The following WDPCP variants were observed in gnomAD, a reference collection of about 807,000 sequenced individuals.
The protein encoded by WDPCP is WD repeat-containing and planar cell polarity effector protein fritz homolog.
A neutral mutation model predicts 93.1 loss-of-function variants in WDPCP; 71 were observed. That is an observed-to-expected ratio of 0.76 (90% CI 0.63 to 0.93). The LOEUF (loss-of-function observed/expected upper bound fraction) is 0.93. WDPCP is among the 40% of genes least tolerant of loss of function. WDPCP has a pLI of 0.00. For missense variants in WDPCP, 844 were observed against 887.4 expected, an observed-to-expected ratio of 0.95 and a Z score of 0.62; for synonymous variants, 315 against 315.0, an observed-to-expected ratio of 1.00 and a Z score of 0.00.
chr2:63,372,477 A>G (rs1393759206), intron 12 of WDPCP, among the ~76,000 whole-genome samples: 1 of 152,128 alleles, frequency 6.6e-6, no homozygotes, highest in Non-Finnish European at 1.5e-5. Flanking sequence ...ACTCCTTGAC[A>G]TTTTCATGAA....
intron 2 of WDPCP, among the ~76,000 whole-genome samples, chr2:63,702,981 T>C (rs1669085694): frequency 6.6e-6 from 1 of 152,132 alleles, no homozygotes; most frequent in Non-Finnish European, 1.5e-5. Flanking sequence ...GTTTGGTTTT[T>C]TGTCCTTGCA....
intron 1 of WDPCP, among the ~76,000 whole-genome samples, chr2:63,522,185 C>T (rs1702980821): frequency 1.3e-5 from 2 of 151,772 alleles, no homozygotes; most frequent in South Asian, 2.1e-4. Flanking sequence ...CCTCCTCTAG[C>T]CCCCCACCCC....
chr2:63,615,384 T>C (rs1038841609), intron 3 of WDPCP, among the ~76,000 whole-genome samples: 3 of 152,106 alleles, frequency 2.0e-5, no homozygotes, highest in Admixed American at 1.3e-4. Flanking sequence ...CTACCTCCCC[T>C]TTTTCAGCAC....
At chr2:63,229,197 T>C (rs1188219826) in intron 14 of WDPCP, 1 of 152,184 alleles carries the variant, frequency 6.6e-6, no homozygotes, top group East Asian at 1.9e-4. Flanking sequence ...TGATGAGCAT[T>C]TTTTCATGTG....
At chr2:63,497,824 T>G (rs1575530159) in intron 1 of WDPCP, among the ~76,000 whole-genome samples, 1 of 152,182 alleles carries the variant, frequency 6.6e-6, no homozygotes, top group East Asian at 1.9e-4. Flanking sequence ...CATGCATAAA[T>G]AGTTGTTTTG....
intron 2 of WDPCP, among the ~76,000 whole-genome samples, chr2:63,789,022 C>T (rs1018014436): frequency 1.3e-5 from 2 of 152,178 alleles, no homozygotes; most frequent in Non-Finnish European, 2.9e-5. Flanking sequence ...GCTGGAACTA[C>T]AGGTAAACAC....
intron 13 of WDPCP, among the ~76,000 whole-genome samples, chr2:63,264,518 C>T (rs1681938628): frequency 6.6e-6 from 1 of 152,108 alleles, no homozygotes; most frequent in Non-Finnish European, 1.5e-5. Flanking sequence ...GGGTTCAGTT[C>T]ATCAAGAAGT....
chr2:63,515,972 A>G (rs547756562), intron 1 of WDPCP, among the ~76,000 whole-genome samples: 2 of 151,694 alleles, frequency 1.3e-5, no homozygotes, highest in South Asian at 4.2e-4. Context: ...GTGAGCCAAG[A>G]TCACGCTATT....
chr2:63,779,866 T>C (rs1394969193), intron 2 of WDPCP, among the ~76,000 whole-genome samples: 3 of 152,234 alleles, frequency 2.0e-5, no homozygotes, highest in Non-Finnish European at 4.4e-5. Flanking sequence ...AAGCTTAATC[T>C]AGTTTTGTGA....
intron 3 of WDPCP, chr2:63,597,255 T>A: frequency 8.1e-7 from 1 of 1,231,676 alleles, no homozygotes; most frequent in Non-Finnish European, 1.0e-6. Context: ...TATATTATCT[T>A]TCTCAGGCTC....
At chr2:63,277,836 A>G (rs1324575120) in intron 13 of WDPCP, among the ~76,000 whole-genome samples, 2 of 152,200 alleles carry the variant, frequency 1.3e-5, no homozygotes, top group Non-Finnish European at 2.9e-5. Context: ...TGACAGTACT[A>G]AACAGGTCGT....
chr2:63,351,886 C>G (rs188630054), intron 12 of WDPCP, among the ~76,000 whole-genome samples: 1 of 152,224 alleles, frequency 6.6e-6, no homozygotes. Context: ...ACACTCCCAA[C>G]AACAGTATAT....
chr2:63,622,782 T>G lies in WDPCP; in HGVS notation n.488+27877A>C, dbSNP rs1575732264. The G allele has an allele frequency of 5.0e-5, 80 of 1,612,716 alleles. No individual in the cohort carries two copies. The East Asian group carries it at 1.8e-3, about 36-fold the overall frequency. ...CCGCTGCCAGAAGGCGGCGAACACT[T>G]GGTCCCAGGAACTCCGGAGCACGCT... is the stretch of plus-strand genomic sequence containing the variant. On this transcript the variant is annotated intron_variant and non_coding_transcript_variant, in intron 3 of 4. Transcript: ENST00000467687.
intron 6 of WDPCP, among the ~76,000 whole-genome samples, chr2:63,478,424 G>A (rs139474477): frequency 7.7e-4 from 117 of 152,058 alleles, no homozygotes; most frequent in Non-Finnish European, 1.5e-3. Flanking sequence ...TCTCCAAGAT[G>A]GACCATAGAA....
intron 6 of WDPCP, among the ~76,000 whole-genome samples, chr2:63,465,418 GAGA>G (rs930808516): frequency 7.2e-5 from 11 of 152,116 alleles, no homozygotes; most frequent in African/African-American, 2.2e-4. Flanking sequence ...CATTAGGTTT[GAGA>G]AGGTTTGGAT....
At position 63,403,856 on chromosome 2, in the gene WDPCP, A is replaced by T. The variant is rs569612279; in HGVS notation, c.1435+192T>A. The stretch of plus-strand genomic sequence containing the variant: ...TGACAATTAGTGCAATTTACAAATT[A>T]TTCAATATCTAGTGTTCCTTTGGCA... On this transcript the variant is annotated intron_variant, in intron 10 of 17. Coordinates refer to ENST00000272321, the MANE Select transcript of WDPCP (RefSeq NM_015910.7). 1.3e-5 allele frequency: 9 copies of T among 712,796 alleles called. No individual in the cohort carries two copies. In the East Asian group the frequency reaches 2.5e-4, roughly 20 times the overall value. 44.2% of individuals were successfully genotyped at this position (712,796 alleles called of 1,614,324 possible).
intron 10 of WDPCP, among the ~76,000 whole-genome samples, chr2:63,401,945 C>A (rs1341577845): frequency 6.6e-6 from 1 of 152,110 alleles, no homozygotes; most frequent in Admixed American, 6.6e-5. Context: ...ACCAGAAATA[C>A]CATGTTACCC....
At chr2:63,193,121 C>A (rs1471523576) in intron 14 of WDPCP, among the ~76,000 whole-genome samples, 1 of 152,160 alleles carries the variant, frequency 6.6e-6, no homozygotes, top group East Asian at 1.9e-4. Flanking sequence ...AGCAATTATA[C>A]TACAAAGCCT....
intron 15 of WDPCP, among the ~76,000 whole-genome samples, chr2:63,164,547 A>G (rs540355224): frequency 5.9e-5 from 9 of 152,068 alleles, no homozygotes; most frequent in Non-Finnish European, 1.2e-4. Flanking sequence ...TGCCATGACT[A>G]TAAGTTTCCT....
Sources: allele counts gnomAD v4.1 joint callset (sites outside exome capture counted in the v4.1 genomes callset), GRCh38; gene constraint gnomAD v4.1.1; transcripts MANE v1.5; gene names NCBI Gene and HGNC (gene_info 2026-07-23, HGNC 2026-07-21).